The following RNF169 variants were observed in gnomAD, a reference collection of about 807,000 sequenced individuals.
The protein encoded by RNF169 is ring finger protein 169, also known as E3 ubiquitin-protein ligase RNF169.
A neutral mutation model predicts 53.9 loss-of-function variants in RNF169; 24 were observed. The ratio of observed to expected loss-of-function variants is 0.45; its 90% CI spans 0.32 to 0.63. RNF169 has a LOEUF of 0.63. Ranked by LOEUF, RNF169 falls within the 20% of genes least tolerant of loss-of-function variation. RNF169 has a pLI of 0.04. For synonymous variants in RNF169, 396 were observed against 363.5 expected (o/e 1.09, Z -1.02); for missense variants, 883 against 906.2 (o/e 0.97, Z 0.33).
chr11:74,749,515 G>A (rs1033283734), intron 1 of RNF169, 133 bp downstream of exon 1: 58 of 749,250 alleles, frequency 7.7e-5, no homozygotes, highest in Middle Eastern at 5.1e-4. Flanking sequence ...TAGAACCCGG[G>A]CTCTACCCAG....
chr11:74,785,458 T>A (rs576040034), intron 1 of RNF169, among the ~76,000 whole-genome samples: 1 of 149,442 alleles, frequency 6.7e-6, no homozygotes, highest in Non-Finnish European at 1.5e-5. Flanking sequence ...AAGTGAGGAT[T>A]TTTTTTTTCC....
At chr11:74,767,645 C>T (rs1164828724) in intron 1 of RNF169, among the ~76,000 whole-genome samples, 2 of 152,128 alleles carry the variant, frequency 1.3e-5, no homozygotes, top group African/African-American at 2.4e-5. Context: ...TCTTGGCTCA[C>T]TGCAACCTCC....
intron 4 of RNF169, among the ~76,000 whole-genome samples, chr11:74,833,332 GA>G (rs1212499878): frequency 2.6e-5 from 4 of 152,234 alleles, no homozygotes; most frequent in Admixed American, 6.5e-5. Context: ...CAAAAGAGTA[GA>G]TATGATGCGT....
At chr11:74,826,196 T>C (rs2036093562) in intron 4 of RNF169, among the ~76,000 whole-genome samples, 1 of 152,090 alleles carries the variant, frequency 6.6e-6, no homozygotes. Flanking sequence ...TGTGGTGACA[T>C]GCACCTGTAA....
chr11:74,807,662 AAC>A (rs2035823731), intron 2 of RNF169: 1 of 152,242 alleles, frequency 6.6e-6, no homozygotes, highest in African/African-American at 2.4e-5. Context: ...AATAAATACA[AAC>A]AGAGTCCTTA....
intron 2 of RNF169, among the ~76,000 whole-genome samples, chr11:74,794,679 T>A (rs1282331889): frequency 6.6e-6 from 1 of 152,158 alleles, no homozygotes; most frequent in Non-Finnish European, 1.5e-5. Context: ...CCTTCAGGAA[T>A]GATCACTGGA....
At chr11:74,835,210 A>G (rs2036235209) in intron 5 of RNF169, among the ~76,000 whole-genome samples, 1 of 152,086 alleles carries the variant, frequency 6.6e-6, no homozygotes. Context: ...GTCTCAAAGT[A>G]ATACACCTGT....
chr11:74,751,810 G>C (rs145146027), intron 1 of RNF169, among the ~76,000 whole-genome samples: 1,561 of 152,278 alleles, frequency 0.01, 29 homozygotes, highest in African/African-American at 0.034. Context: ...AAAAGGCTTA[G>C]GAAGTATCTC....
chr11:74,820,922 T>C (rs2036000952), intron 4 of RNF169, among the ~76,000 whole-genome samples: 1 of 152,254 alleles, frequency 6.6e-6, no homozygotes, highest in South Asian at 2.1e-4. Flanking sequence ...GCATACCTCA[T>C]GTGATTTAAT....
intron 2 of RNF169, among the ~76,000 whole-genome samples, chr11:74,792,969 A>G (rs2035599485): frequency 1.3e-5 from 2 of 152,296 alleles, no homozygotes; most frequent in East Asian, 1.9e-4. Flanking sequence ...CCATTGTACA[A>G]CCTGGAAAAT....
chr11:74,751,817 T>C (rs1424966812), intron 1 of RNF169, among the ~76,000 whole-genome samples: 1 of 152,212 alleles, frequency 6.6e-6, no homozygotes, highest in Non-Finnish European at 1.5e-5. Context: ...TTAGGAAGTA[T>C]CTCTTAGCTT....
intron 4 of RNF169, among the ~76,000 whole-genome samples, chr11:74,820,003 TATAGAC>T (rs932784468): frequency 6.6e-6 from 1 of 152,134 alleles, no homozygotes; most frequent in African/African-American, 2.4e-5. Flanking sequence ...TAAGGACAGA[TATAGAC>T]AGAGACTTAC....
At chr11:74,830,260 A>G (rs1184484449) in intron 4 of RNF169, among the ~76,000 whole-genome samples, 1 of 152,180 alleles carries the variant, frequency 6.6e-6, no homozygotes, top group Non-Finnish European at 1.5e-5. Context: ...GGTAAGATCA[A>G]CAAAATTGAC....
chr11:74,764,852 G>A (rs1038232954), intron 1 of RNF169, among the ~76,000 whole-genome samples: 4 of 152,212 alleles, frequency 2.6e-5, no homozygotes, highest in African/African-American at 4.8e-5. Flanking sequence ...CTGTCTATAC[G>A]TAACGTAGTT....
rs777876455 is a variant in RNF169, at chr11:74,749,366, C to G, written c.486C>G (p.Ala162=). 1.6e-6 allele frequency: 2 copies of G among 1,240,926 alleles called. No homozygotes were observed. Among genetic ancestry groups the G allele is most frequent in the Non-Finnish European group, 2.0e-6 (2 of 989,628 alleles). The allele number at this position is 1,240,926 out of a possible 1,614,324, so 76.9% of individuals were successfully genotyped here. A position where few individuals can be genotyped will look rare whatever the true frequency, so the allele number is the denominator to read the frequency against. The change falls in exon 1 of 6, where the codon GCC becomes GCG. Residue 162 remains alanine (A), a synonymous_variant. Transcript: ENST00000299563. ...CCAGGCCAGAGCAGGAGCCGCGTGCCGCGCCTGCGGAGCCAGGTGGAGCTT... is the reference window on the plus strand; with the variant it reads ...CCAGGCCAGAGCAGGAGCCGCGTGCGGCGCCTGCGGAGCCAGGTGGAGCTT... ...AGPRPEQEPR[A]APAEPDFIFR... is the part of the protein sequence containing the mutation.
intron 1 of RNF169, among the ~76,000 whole-genome samples, chr11:74,781,570 T>C (rs566241552): frequency 6.6e-6 from 1 of 152,364 alleles, no homozygotes; most frequent in South Asian, 2.1e-4. Flanking sequence ...TGTACACATA[T>C]ATATCTTTAA....
In RNF169 at chr11:74,836,182, GAA is replaced by G; in HGVS notation, c.1581_1582del (p.Glu527AspfsTer22). On this transcript the variant is annotated frameshift_variant, in exon 6 of 6. Coordinates refer to ENST00000299563, the MANE Select transcript of RNF169 (RefSeq NM_001098638.2). LOFTEE classifies it high-confidence loss of function. ...TAAAAGTAGCACTGAGATCCCACTGGAAACCTGCTGTTCCTCAGAACTCAAAG... is the reference window on the plus strand; with the variant it reads ...TAAAAGTAGCACTGAGATCCCACTGGACCTGCTGTTCCTCAGAACTCAAAG... Reference protein sequence around the residue: ...DNKSSTEIPLETCCSSELKGG... With the variant: ...DNKSSTEIPLXTCCSSELKGG... The G allele has an allele frequency of 6.2e-7, 1 of 1,614,206 alleles. No homozygotes were observed. Among genetic ancestry groups the G allele is most frequent in the Non-Finnish European group, 8.5e-7 (1 of 1,180,036 alleles).
chr11:74,779,360 T>C (rs2035383720), intron 1 of RNF169, among the ~76,000 whole-genome samples: 2 of 152,286 alleles, frequency 1.3e-5, no homozygotes, highest in South Asian at 4.1e-4. Context: ...GGAACCTAAG[T>C]GAGCAGCCTT....
chr11:74,812,452 G>A (rs983081884), intron 3 of RNF169, among the ~76,000 whole-genome samples: 7 of 151,984 alleles, frequency 4.6e-5, no homozygotes, highest in African/African-American at 1.7e-4. Context: ...GTACCACCAT[G>A]GCTGGTCAAT....
Sources: allele counts gnomAD v4.1 joint callset (sites outside exome capture counted in the v4.1 genomes callset), GRCh38; gene constraint gnomAD v4.1.1; transcripts MANE v1.5; gene names NCBI Gene and HGNC (gene_info 2026-07-23, HGNC 2026-07-21).